The following TBX18 variants were observed in gnomAD, a reference collection of about 807,000 sequenced individuals.
TBX18 encodes the protein T-box transcription factor TBX18.
A neutral mutation model predicts 55.0 loss-of-function variants in TBX18; 21 were observed. The ratio of observed to expected loss-of-function variants is 0.38; its 90% CI spans 0.27 to 0.55. The LOEUF is 0.55. Among genes scored for constraint, TBX18 ranks in the 20% least tolerant of loss-of-function variants. TBX18 has a pLI of 0.73. For missense variants in TBX18, 840 were observed against 799.6 expected (o/e 1.05, Z -0.61); for synonymous variants, 342 against 326.1 (o/e 1.05, Z -0.53).
At chr6:84,763,267 G>A in intron 1 of TBX18, 2 of 398,154 alleles carry the variant, frequency 5.0e-6, no homozygotes, top group Non-Finnish European at 9.9e-6. Context: ...CCGGGCCGGA[G>A]GCATCTTCTA....
In TBX18 at chr6:84,738,643, C is replaced by A. The variant is rs765640502; in HGVS notation, c.1005-52G>T. ...TGGACAAAAGAAGTCTAGTTAGGAG[C>A]ATTTGGATCTTTCACCAGCAGCAAG... On this transcript the variant is annotated intron_variant, in intron 6 of 7. Coordinates refer to ENST00000369663, the MANE Select transcript of TBX18 (RefSeq NM_001080508.3). The A allele has an allele frequency of 2.3e-5, 32 of 1,366,052 alleles. No individual in the cohort carries two copies. In the East Asian group the frequency reaches 6.2e-4, roughly 26 times the overall value. 84.6% of individuals were successfully genotyped at this position (1,366,052 alleles called of 1,614,324 possible).
chr6:84,737,161 C>A lies in TBX18; in HGVS notation c.1348G>T (p.Ala450Ser). 1 of 1,613,902 alleles carries A rather than the reference C, an allele frequency of 6.2e-7. No homozygotes were observed. Among genetic ancestry groups the A allele is most frequent in the Non-Finnish European group, 8.5e-7 (1 of 1,179,884 alleles). ...RLTNQAGETFAPPRTPSYVGV... is the reference protein window; with the variant it reads ...RLTNQAGETFSPPRTPSYVGV... ...ACATAGGAGGGAGTCCTGGGCGGGG[C>A]AAAGGTCTCACCAGCCTGGTTGGTG... Residue 450 changes from alanine to serine, a missense_variant, in exon 8 of 8, where the codon GCC (alanine) becomes TCC (serine). By Grantham distance (99) the Ala-to-Ser change is moderately conservative. Transcript: ENST00000369663.
chr6:84,764,507 C>T lies in TBX18; in HGVS notation c.-326G>A, dbSNP rs1404826316. 6 of 321,924 alleles carry T rather than the reference C, an allele frequency of 1.9e-5. No homozygotes were observed. Among genetic ancestry groups the T allele is most frequent in the Non-Finnish European group, 5.6e-6 (1 of 177,978 alleles). The allele number at this position is 321,924 out of a possible 1,614,324, so 19.9% of individuals were successfully genotyped here. Reference sequence around the variant, plus strand: ...CAACTGATGCGCCAGAGAGGACTAACATGGGTAAAAAACACTCTGTGGACA... The same window carrying T: ...CAACTGATGCGCCAGAGAGGACTAATATGGGTAAAAAACACTCTGTGGACA... On this transcript the variant is annotated 5_prime_UTR_variant, in exon 1 of 8. The change abolishes an upstream ATG in the 5' untranslated region. Coordinates refer to ENST00000369663, the MANE Select transcript of TBX18 (RefSeq NM_001080508.3).
chr6:84,750,163 T>C (rs1198647444), intron 4 of TBX18, among the ~76,000 whole-genome samples: 2 of 151,820 alleles, frequency 1.3e-5, no homozygotes, highest in African/African-American at 4.8e-5. Flanking sequence ...CACATGCCTG[T>C]AGTCCCAGCT....
chr6:84,743,123 T>A (rs539446698), intron 6 of TBX18, among the ~76,000 whole-genome samples: 110 of 152,234 alleles, frequency 7.2e-4, no homozygotes, highest in African/African-American at 2.6e-3. Flanking sequence ...GAGTGAAAAA[T>A]TTCAGAGGGA....
Position 84,736,995 on chromosome 6 carries a change from C to A in TBX18, c.1514G>T (p.Ser505Ile). 1.2e-6 allele frequency: 2 copies of A among 1,612,532 alleles called. No individual in the cohort carries two copies. Among genetic ancestry groups the A allele is most frequent in the Non-Finnish European group, 1.7e-6 (2 of 1,179,132 alleles). Reference sequence around the variant, plus strand: ...GGTCTGGTTAGTGGCGAAGGCATTGCTGGAGGGTGATGGCATGATATACTG... The same window carrying A: ...GGTCTGGTTAGTGGCGAAGGCATTGATGGAGGGTGATGGCATGATATACTG... Reference protein sequence around the residue: ...QLQYIMPSPSSNAFATNQTHQ... With the variant: ...QLQYIMPSPSINAFATNQTHQ... Residue 505 changes from serine to isoleucine, a missense_variant, in exon 8 of 8, where the codon AGC becomes ATC. Transcript: ENST00000369663.
intron 3 of TBX18, among the ~76,000 whole-genome samples, chr6:84,759,331 T>C (rs1052427700): frequency 2.0e-5 from 3 of 152,150 alleles, no homozygotes; most frequent in Non-Finnish European, 2.9e-5. Context: ...CTTAAATTGT[T>C]GAAGTGATAA....
chr6:84,746,108 T>C (rs1048982784), intron 5 of TBX18, among the ~76,000 whole-genome samples: 5 of 152,112 alleles, frequency 3.3e-5, no homozygotes, highest in Admixed American at 6.6e-5. Flanking sequence ...CTTAATCAAC[T>C]TCTCAATGTT....
chr6:84,763,802 G>C, intron 1 of TBX18, 88 bp downstream of exon 1: 1 of 1,426,388 alleles, frequency 7.0e-7, no homozygotes. Flanking sequence ...TGGCCATGTA[G>C]GGACGCGGCG....
intron 6 of TBX18, 129 bp downstream of exon 6, chr6:84,744,132 C>A: frequency 2.4e-6 from 2 of 847,894 alleles, no homozygotes; most frequent in East Asian, 5.4e-5. Context: ...CTCCGAGGCA[C>A]AACAGTCCTC....
Position 84,733,035 on chromosome 6 carries a change from T to C in TBX18, c.*3650A>G, listed in dbSNP as rs1423191728. 1.3e-5 allele frequency: 2 copies of C among 152,110 alleles called. No homozygotes were observed. The highest frequency in any genetic ancestry group is 3.8e-4 in the East Asian group (2 of 5,196). 9.4% of individuals were successfully genotyped at this position (152,110 alleles called of 1,614,324 possible). On this transcript the variant is annotated 3_prime_UTR_variant, in exon 8 of 8. Coordinates refer to ENST00000369663, the MANE Select transcript of TBX18 (RefSeq NM_001080508.3). ...CAGCTAATTTTTTTACCCAAAATCA[T>C]GATTGAGAAATCCATAGTCTCAAAC... is the stretch of plus-strand genomic sequence containing the variant.
rs1289213031 is a variant in TBX18, at chr6:84,762,653, C to T, written c.388G>A (p.Gly130Arg). 1 of 1,610,716 alleles carries T rather than the reference C, an allele frequency of 6.2e-7. No individual in the cohort carries two copies. The highest frequency in any genetic ancestry group is 1.1e-5 in the South Asian group (1 of 90,790). Residue 130 changes from glycine to arginine, a missense_variant, in exon 2 of 8, where the codon GGG becomes AGG. By Grantham distance (125) the Gly-to-Arg change is moderately radical. Coordinates refer to ENST00000369663, the MANE Select transcript of TBX18 (RefSeq NM_001080508.3). ...GCCTGCGGCGAGGGCAGAGGGGTCC[C>T]GGGCCGGGCCAGGGAGCGCGCCGGA... ...GSPARSLARPGTPLPSPQAPR... is the reference protein window; with the variant it reads ...GSPARSLARPRTPLPSPQAPR...
At position 84,762,574 on chromosome 6, in the gene TBX18, C is replaced by T. The variant is rs772879527; in HGVS notation, c.467G>A (p.Gly156Asp). The change falls in exon 2 of 8, where the codon GGC (glycine) becomes GAC (aspartate). Residue 156 changes from glycine (G) to aspartate (D), a missense_variant. Physicochemically the swap from Gly to Asp is moderately conservative, Grantham distance 94 (BLOSUM62 -1). Coordinates refer to ENST00000369663, the MANE Select transcript of TBX18 (RefSeq NM_001080508.3). Reference sequence around the variant, plus strand: ...GGCCTTGGTGATGATCATCTCAGTGCCTATCTCATGAAAGCGCTTCCAGAG... The same window carrying T: ...GGCCTTGGTGATGATCATCTCAGTGTCTATCTCATGAAAGCGCTTCCAGAG... ...AELWKRFHEI[G>D]TEMIITKAGR... The T allele has an allele frequency of 4.3e-6, 7 of 1,614,034 alleles. No homozygotes were observed. In the South Asian group the frequency reaches 5.5e-5, roughly 13 times the overall value.
At chr6:84,749,099 T>G (rs908412392) in intron 4 of TBX18, among the ~76,000 whole-genome samples, 3 of 146,172 alleles carry the variant, frequency 2.1e-5, no homozygotes, top group Admixed American at 6.8e-5. Context: ...GAATTTTGTC[T>G]TCTTCTTTGT....
intron 2 of TBX18, among the ~76,000 whole-genome samples, chr6:84,760,811 C>T (rs1487955827): frequency 6.6e-6 from 1 of 152,106 alleles, no homozygotes; most frequent in Non-Finnish European, 1.5e-5. Context: ...AGCCAATGTG[C>T]CATGCTATAA....
intron 4 of TBX18, among the ~76,000 whole-genome samples, chr6:84,750,892 T>C (rs1040085307): frequency 7.2e-5 from 11 of 152,336 alleles, no homozygotes; most frequent in African/African-American, 2.6e-4. Flanking sequence ...AACTCTGTTT[T>C]TCCCCCTCCC....
intron 4 of TBX18, among the ~76,000 whole-genome samples, chr6:84,753,553 G>A (rs1767407920): frequency 6.6e-6 from 1 of 152,166 alleles, no homozygotes; most frequent in South Asian, 2.1e-4. Flanking sequence ...CTGAGGGTGG[G>A]CAGGGGCAGA....
At chr6:84,741,925 T>A (rs1434299857) in intron 6 of TBX18, 1 of 152,190 alleles carries the variant, frequency 6.6e-6, no homozygotes, top group Non-Finnish European at 1.5e-5. Flanking sequence ...GACTGAATTA[T>A]CTCTTCTCCA....
At chr6:84,752,438 T>C (rs760520380) in intron 4 of TBX18, among the ~76,000 whole-genome samples, 14 of 152,212 alleles carry the variant, frequency 9.2e-5, no homozygotes, top group Non-Finnish European at 1.6e-4. Flanking sequence ...TCCCTTTAAA[T>C]GGTAGGAATC....
Sources: gnomAD v4.1 joint callset for allele counts (sites outside exome capture counted in the v4.1 genomes callset) on GRCh38, gnomAD v4.1.1 for gene constraint, MANE v1.5 for transcripts, NCBI Gene and HGNC (gene_info 2026-07-23, HGNC 2026-07-21) for gene names.